The following ST3GAL3 variants were observed in gnomAD, a reference collection of about 807,000 sequenced individuals.
The protein encoded by ST3GAL3 is CMP-N-acetylneuraminate-beta-1,4-galactoside alpha-2,3-sialyltransferase.
A neutral mutation model predicts 50.1 loss-of-function variants in ST3GAL3; 21 were observed. The observed-to-expected ratio is 0.42, with a 90% confidence interval of 0.30 to 0.60. ST3GAL3 has a LOEUF of 0.60. Ranked by LOEUF, ST3GAL3 falls within the 20% of genes least tolerant of loss-of-function variation. The pLI is 0.19. For synonymous variants in ST3GAL3, 183 were observed against 190.0 expected (o/e 0.96, Z 0.30); for missense variants, 353 against 489.4 (o/e 0.72, Z 2.63).
chr1:43,923,597 G>T (rs762721232), intron 11 of ST3GAL3, among the ~76,000 whole-genome samples: 6 of 152,206 alleles, frequency 3.9e-5, no homozygotes, highest in Middle Eastern at 3.4e-3. Flanking sequence ...GATGGAAGAG[G>T]CAAGGCAGCT....
chr1:43,850,399 C>T (rs1269667586), intron 5 of ST3GAL3: 36 of 569,494 alleles, frequency 6.3e-5, no homozygotes, highest in South Asian at 4.6e-4. Context: ...GCTAGTCTCT[C>T]CTTGAACTCT....
intron 2 of ST3GAL3, among the ~76,000 whole-genome samples, chr1:43,752,169 G>A (rs916087422): frequency 1.3e-5 from 2 of 152,088 alleles, no homozygotes; most frequent in Non-Finnish European, 2.9e-5. Context: ...GTTCTAAAGC[G>A]CTTTGCATGC....
At position 43,733,206 on chromosome 1, in the gene ST3GAL3, G is replaced by A. The variant is rs559850510; in HGVS notation, c.-30-3027G>A. ...GATGGGGGTCTCATCTCATCATCTT[G>A]CCCAGGCTGGTCTCGAACTCCTGGG... On this transcript the variant is annotated intron_variant, in intron 1 of 11. Transcript: ENST00000347631. Among the ~76,000 whole-genome samples, 3 of 152,200 alleles carry A rather than the reference G, an allele frequency of 2.0e-5. No homozygotes were observed. In the South Asian group the frequency reaches 6.2e-4, roughly 32 times the overall value.
intron 5 of ST3GAL3, among the ~76,000 whole-genome samples, chr1:43,859,527 C>A (rs1477896931): frequency 2.0e-5 from 3 of 151,958 alleles, no homozygotes; most frequent in Non-Finnish European, 4.4e-5. Flanking sequence ...CCATTGCACT[C>A]CAGCCTGGGC....
chr1:43,864,403 C>G (rs2070792493), intron 5 of ST3GAL3, among the ~76,000 whole-genome samples: 1 of 152,138 alleles, frequency 6.6e-6, no homozygotes, highest in Admixed American at 6.5e-5. Context: ...GAGAGGCTTC[C>G]TAGAGATGGG....
At chr1:43,882,979 A>ATTTTT (rs11270209) in intron 5 of ST3GAL3, among the ~76,000 whole-genome samples, 13,713 of 138,924 alleles carry the variant, frequency 0.099, 932 homozygotes, top group Admixed American at 0.15. Flanking sequence ...TTATTTATTT[A>ATTTTT]GAGACAGGCT....
intron 5 of ST3GAL3, among the ~76,000 whole-genome samples, chr1:43,849,984 C>CT (rs1055097073): frequency 2.0e-5 from 3 of 152,170 alleles, no homozygotes; most frequent in Non-Finnish European, 2.9e-5. Context: ...TAGCTCTGCC[C>CT]TACCCCATGG....
chr1:43,906,415 GTTC>G, intron 9 of ST3GAL3, among the ~76,000 whole-genome samples: 1 of 102,088 alleles, frequency 9.8e-6, no homozygotes, highest in South Asian at 3.7e-4. Flanking sequence ...ACCTCCTCCT[GTTC>G]CTCTTCCCAC....
At chr1:43,904,499 C>T (rs1032649856) in intron 9 of ST3GAL3, among the ~76,000 whole-genome samples, 2 of 151,948 alleles carry the variant, frequency 1.3e-5, no homozygotes, top group Non-Finnish European at 1.5e-5. Context: ...GCCTCTTATC[C>T]CTGGGAGGGC....
intron 11 of ST3GAL3, among the ~76,000 whole-genome samples, chr1:43,929,239 C>A (rs138238132): frequency 7.6e-4 from 115 of 152,228 alleles, no homozygotes; most frequent in African/African-American, 2.6e-3. Flanking sequence ...ATGTATACAT[C>A]TATCAAAACA....
rs1310955003 is a variant in ST3GAL3 at position 43,917,588 on chromosome 1, T to C, written c.745-2816T>C. On this transcript the variant is annotated intron_variant, in intron 9 of 11. Transcript: ENST00000347631. ...ATATTATATAATATATTACGTATTA[T>C]ATATAATATATATATTATATATTAT... Among the ~76,000 whole-genome samples the C allele has an allele frequency of 6.7e-5, 3 of 45,018 alleles. No homozygotes were observed. The South Asian group carries it at 2.2e-3, about 33-fold the overall frequency. 29.5% of individuals were successfully genotyped at this position (45,018 alleles called of 152,430 possible).
At chr1:43,863,624 G>A (rs1484534042) in intron 5 of ST3GAL3, among the ~76,000 whole-genome samples, 1 of 152,190 alleles carries the variant, frequency 6.6e-6, no homozygotes, top group Non-Finnish European at 1.5e-5. Flanking sequence ...AGAATGGGTT[G>A]GGGAAAGCAT....
chr1:43,721,005 G>A (rs1670137926), intron 1 of ST3GAL3, among the ~76,000 whole-genome samples: 1 of 152,116 alleles, frequency 6.6e-6, no homozygotes, highest in African/African-American at 2.4e-5. Flanking sequence ...AGCACTTTGG[G>A]AGGCCTAAAG....
At chr1:43,906,395 C>G (rs376782912) in intron 9 of ST3GAL3, among the ~76,000 whole-genome samples, 1 of 142,602 alleles carries the variant, frequency 7.0e-6, no homozygotes, top group African/African-American at 2.6e-5. Flanking sequence ...TTTCCCGCCA[C>G]TTTTCTTCCA....
chr1:43,800,299 T>C (rs1157923286), intron 3 of ST3GAL3, among the ~76,000 whole-genome samples: 1 of 152,224 alleles, frequency 6.6e-6, no homozygotes, highest in Non-Finnish European at 1.5e-5. Flanking sequence ...TTTAGAAAAA[T>C]GCTTTTCCTT....
intron 5 of ST3GAL3, among the ~76,000 whole-genome samples, chr1:43,873,349 G>A (rs1026665391): frequency 1.3e-5 from 2 of 152,246 alleles, no homozygotes; most frequent in African/African-American, 4.8e-5. Flanking sequence ...TGTGTAGCCT[G>A]AGAAACTGGA....
At chr1:43,832,151 G>A (rs1464864318) in intron 4 of ST3GAL3, among the ~76,000 whole-genome samples, 1 of 152,218 alleles carries the variant, frequency 6.6e-6, no homozygotes, top group East Asian at 1.9e-4. Flanking sequence ...GAAGCACTTG[G>A]AGAACTTAGT....
At chr1:43,808,940 C>A (rs979562827) in intron 3 of ST3GAL3, among the ~76,000 whole-genome samples, 11 of 152,196 alleles carry the variant, frequency 7.2e-5, no homozygotes, top group African/African-American at 2.4e-4. Flanking sequence ...AGCAGTGGGG[C>A]AAAATTAGTA....
chr1:43,914,477 GA>G (rs906601720), intron 9 of ST3GAL3: 2 of 152,222 alleles, frequency 1.3e-5, no homozygotes, highest in African/African-American at 2.4e-5. Flanking sequence ...TGGTGTGGTG[GA>G]AAGAATGCCG....
Sources: gnomAD v4.1 joint callset for allele counts (sites outside exome capture counted in the v4.1 genomes callset) on GRCh38, gnomAD v4.1.1 for gene constraint, MANE v1.5 for transcripts, NCBI Gene and HGNC (gene_info 2026-07-23, HGNC 2026-07-21) for gene names.